Variants in CCSER1 observed in about 807,000 individuals in gnomAD.
CCSER1 encodes serine-rich coiled-coil domain-containing protein 1.
In CCSER1, 41 loss-of-function variants were observed where a neutral mutation model predicts 82.0. The observed-to-expected ratio is 0.50, with a 90% CI of 0.39 to 0.65. The LOEUF is 0.65. CCSER1 is among the 30% of genes least tolerant of loss of function. CCSER1 has a pLI of 0.00. For synonymous variants in CCSER1, 414 were observed against 383.9 expected (o/e 1.08, Z -0.92); for missense variants, 1,119 against 1,064.2 (o/e 1.05, Z -0.72).
At chr4:90,870,868 T>A (rs1396457141) in intron 8 of CCSER1, among the ~76,000 whole-genome samples, 1 of 149,758 alleles carries the variant, frequency 6.7e-6, no homozygotes, top group African/African-American at 2.4e-5. Context: ...TTAAATCTCA[T>A]TACTTGTTAT....
intron 8 of CCSER1, among the ~76,000 whole-genome samples, chr4:90,835,052 C>T (rs1761612673): frequency 6.6e-6 from 1 of 152,216 alleles, no homozygotes; most frequent in Non-Finnish European, 1.5e-5. Context: ...ACCTTTTTCT[C>T]GCTGGCCTGG....
intron 10 of CCSER1, among the ~76,000 whole-genome samples, chr4:91,494,636 A>T (rs914844061): frequency 6.6e-6 from 1 of 151,798 alleles, no homozygotes; most frequent in African/African-American, 2.4e-5. Context: ...CTGTTCCCAC[A>T]CTTAAAAAAT....
intron 5 of CCSER1, among the ~76,000 whole-genome samples, chr4:90,548,831 A>G (rs1777110853): frequency 6.6e-6 from 1 of 151,908 alleles, no homozygotes; most frequent in Admixed American, 6.6e-5. Context: ...ACTCTGTACT[A>G]TTTTCAAACT....
intron 10 of CCSER1, among the ~76,000 whole-genome samples, chr4:91,520,745 T>A (rs1193236985): frequency 6.6e-6 from 1 of 152,180 alleles, no homozygotes; most frequent in Non-Finnish European, 1.5e-5. Flanking sequence ...TTTTTTCTTT[T>A]TAATATGAAA....
At chr4:91,504,991 A>G (rs759629487) in intron 10 of CCSER1, among the ~76,000 whole-genome samples, 3 of 152,164 alleles carry the variant, frequency 2.0e-5, no homozygotes, top group Non-Finnish European at 4.4e-5. Context: ...CAGGTTTGCT[A>G]TATGGGTAAA....
intron 5 of CCSER1, among the ~76,000 whole-genome samples, chr4:90,583,598 T>A (rs17017215): frequency 0.025 from 3,757 of 152,286 alleles, 62 homozygotes; most frequent in Non-Finnish European, 0.036. Context: ...TTAACCTATA[T>A]CTTGGTGACG....
At chr4:90,589,496 CAG>C (rs1029659752) in intron 5 of CCSER1, among the ~76,000 whole-genome samples, 4 of 151,796 alleles carry the variant, frequency 2.6e-5, no homozygotes, top group African/African-American at 9.7e-5. Context: ...GGAGAAAAAA[CAG>C]GGCAAAAATA....
At chr4:90,135,832 A>G (rs1723598661) in intron 1 of CCSER1, among the ~76,000 whole-genome samples, 1 of 152,146 alleles carries the variant, frequency 6.6e-6, no homozygotes, top group Non-Finnish European at 1.5e-5. Context: ...ATAATCATGC[A>G]CCTCTTATTG....
At chr4:91,315,760 T>C (rs1745788231) in intron 10 of CCSER1, among the ~76,000 whole-genome samples, 2 of 152,038 alleles carry the variant, frequency 1.3e-5, no homozygotes, top group South Asian at 4.1e-4. Context: ...TACTACAGCA[T>C]AGCAGTTAAG....
In CCSER1 at chr4:91,245,683, G is replaced by A. The variant is rs115994637; in HGVS notation, c.2217+159689G>A. ...ATCTGAAAGAAAACTATATATACACGTGTATATATATATATTTTGTTTGTT... is the reference window on the plus strand; with the variant it reads ...ATCTGAAAGAAAACTATATATACACATGTATATATATATATTTTGTTTGTT... On this transcript the variant is annotated intron_variant, in intron 10 of 10. Transcript: ENST00000509176. Among the ~76,000 whole-genome samples the A allele has an allele frequency of 3.0e-3, 455 of 152,000 alleles. 2 individuals are homozygous for A. The highest frequency in any genetic ancestry group is 1.0e-2 in the African/African-American group (413 of 41,418).
chr4:91,379,338 C>T (rs1222836857), intron 10 of CCSER1, among the ~76,000 whole-genome samples: 1 of 152,158 alleles, frequency 6.6e-6, no homozygotes, highest in East Asian at 1.9e-4. Context: ...CCCAGCTCCT[C>T]CTTGTACCTC....
chr4:91,144,598 A>C (rs1729369168), intron 10 of CCSER1, among the ~76,000 whole-genome samples: 1 of 149,352 alleles, frequency 6.7e-6, no homozygotes, highest in Non-Finnish European at 1.5e-5. Context: ...AGCATTTAGC[A>C]CTATAACCTG....
intron 10 of CCSER1, among the ~76,000 whole-genome samples, chr4:91,491,838 T>C (rs1758560593): frequency 6.6e-6 from 1 of 151,962 alleles, no homozygotes; most frequent in Admixed American, 6.6e-5. Flanking sequence ...GTAAAAATAT[T>C]ATAATTACTT....
chr4:90,672,986 AC>A (rs1377486273), intron 6 of CCSER1, among the ~76,000 whole-genome samples: 2 of 151,950 alleles, frequency 1.3e-5, no homozygotes, highest in Non-Finnish European at 2.9e-5. Context: ...AAGATCACTG[AC>A]CACGTATCAT....
intron 9 of CCSER1, among the ~76,000 whole-genome samples, chr4:90,937,539 A>G (rs115520348): frequency 0.053 from 8,045 of 151,056 alleles, 307 homozygotes; most frequent in Admixed American, 0.12. Context: ...TAAGGCATAT[A>G]GGGTAGAATC....
At chr4:91,572,187 A>G (rs982258072) in intron 10 of CCSER1, among the ~76,000 whole-genome samples, 7 of 152,032 alleles carry the variant, frequency 4.6e-5, no homozygotes, top group Non-Finnish European at 7.4e-5. Flanking sequence ...GGACTGTTGC[A>G]ATATACTTGG....
intron 8 of CCSER1, among the ~76,000 whole-genome samples, chr4:90,876,743 C>T (rs1767259574): frequency 6.6e-6 from 1 of 152,078 alleles, no homozygotes. Flanking sequence ...TCTTTAGCCA[C>T]TATTTTAAAC....
At chr4:90,328,988 C>A (rs1738756566) in intron 3 of CCSER1, among the ~76,000 whole-genome samples, 1 of 152,180 alleles carries the variant, frequency 6.6e-6, no homozygotes, top group Non-Finnish European at 1.5e-5. Flanking sequence ...TCATGCTTTT[C>A]CACACTTCTT....
intron 10 of CCSER1, among the ~76,000 whole-genome samples, chr4:91,357,694 TACA>T (rs1748939930): frequency 6.6e-6 from 1 of 152,106 alleles, no homozygotes; most frequent in African/African-American, 2.4e-5. Context: ...TTTTAAATTA[TACA>T]ACATTTTTTG....
Sources: allele counts gnomAD v4.1 joint callset (sites outside exome capture counted in the v4.1 genomes callset), GRCh38; gene constraint gnomAD v4.1.1; transcripts MANE v1.5; gene names NCBI Gene and HGNC (gene_info 2026-07-23, HGNC 2026-07-21).